Variants in ANO1 observed in about 807,000 individuals in gnomAD.
The protein encoded by ANO1 is anoctamin 1, also known as anoctamin-1.
A neutral mutation model predicts 124.0 loss-of-function variants in ANO1; 59 were observed. That is an observed-to-expected ratio of 0.48 (90% CI 0.39 to 0.59). The LOEUF (loss-of-function observed/expected upper bound fraction) is 0.59, where lower values mean the gene tolerates loss of function less well. Ranked by LOEUF, ANO1 falls within the 20% of genes least tolerant of loss-of-function variation. ANO1 has a pLI of 0.00. For missense variants in ANO1, 1,059 were observed against 1,328.0 expected, an observed-to-expected ratio of 0.80 and a Z score of 3.15; for synonymous variants, 529 against 532.0, an observed-to-expected ratio of 0.99 and a Z score of 0.08.
intron 6 of ANO1, among the ~76,000 whole-genome samples, chr11:70,110,167 G>A (rs2045713651): frequency 6.6e-6 from 1 of 151,498 alleles, no homozygotes; most frequent in South Asian, 2.1e-4. Context: ...GCCTGGCTGA[G>A]GGCCTATGTT....
intron 1 of ANO1, among the ~76,000 whole-genome samples, chr11:70,071,273 A>T (rs1201630196): frequency 6.6e-6 from 1 of 152,234 alleles, no homozygotes; most frequent in Non-Finnish European, 1.5e-5. Flanking sequence ...TTTTCCTTAA[A>T]TAGTAAAAGG....
At chr11:70,131,389 G>C (rs1241471274) in intron 10 of ANO1, among the ~76,000 whole-genome samples, 1 of 152,174 alleles carries the variant, frequency 6.6e-6, no homozygotes, top group Non-Finnish European at 1.5e-5. Flanking sequence ...GTGCAGTGAC[G>C]TGATCTGGGC....
intron 1 of ANO1, among the ~76,000 whole-genome samples, chr11:70,019,279 A>G (rs1856759038): frequency 7.8e-6 from 1 of 128,116 alleles, no homozygotes; most frequent in East Asian, 2.8e-4. Context: ...TCCCCCGTCT[A>G]TGGACTCACA....
chr11:70,162,799 C>T (rs2048109062), intron 18 of ANO1, among the ~76,000 whole-genome samples: 1 of 152,236 alleles, frequency 6.6e-6, no homozygotes, highest in Non-Finnish European at 1.5e-5. Flanking sequence ...CCTACACGCC[C>T]CACACCAGCC....
At chr11:69,967,254 C>T in the ANO1 span, among the ~76,000 whole-genome samples, 5 of 148,880 alleles carry the variant, frequency 3.4e-5, no homozygotes, top group East Asian at 4.0e-4. Context: ...CATCAGGTTC[C>T]GAGCGCCTGT....
intron 25 of ANO1, among the ~76,000 whole-genome samples, chr11:70,186,454 T>C (rs2049133341): frequency 6.6e-6 from 1 of 151,982 alleles, no homozygotes; most frequent in Non-Finnish European, 1.5e-5. Flanking sequence ...ACACCATGTC[T>C]GTGGTAGCAG....
intron 1 of ANO1, among the ~76,000 whole-genome samples, chr11:70,026,046 G>C: frequency 7.0e-6 from 1 of 142,374 alleles, no homozygotes; most frequent in Non-Finnish European, 1.5e-5. Context: ...GGTGATGATG[G>C]TGGTGGTGGT....
chr11:70,165,332 G>A, intron 19 of ANO1, 138 bp from the exon 20 acceptor site: 1 of 695,118 alleles, frequency 1.4e-6, no homozygotes, highest in Non-Finnish European at 2.5e-6. Flanking sequence ...ACGTTCCCAG[G>A]TGGCGGGGAT....
In ANO1 at chr11:70,103,951, T is replaced by C. The variant is rs1335231164; in HGVS notation, c.541-48T>C. The C allele has an allele frequency of 1.3e-6, 2 of 1,584,650 alleles. 1 individual carries two copies. Among genetic ancestry groups the C allele is most frequent in the South Asian group, 2.3e-5 (2 of 86,112 alleles). ...ATCCGAGAACAGATTCCACGGATCA[T>C]GGTCCAGCAGGGTGACGCAGCTCCC... On this transcript the variant is annotated intron_variant, in intron 3 of 25. Coordinates refer to ENST00000355303, the MANE Select transcript of ANO1 (RefSeq NM_018043.7).
intron 1 of ANO1, among the ~76,000 whole-genome samples, chr11:69,988,596 C>T (rs186529016): frequency 7.9e-5 from 12 of 152,320 alleles, no homozygotes; most frequent in Admixed American, 7.2e-4. Flanking sequence ...CTCATTCTCG[C>T]TCCCCTGCAA....
intron 11 of ANO1, 97 bp downstream of exon 11, chr11:70,132,176 A>G (rs1028561272): frequency 1.1e-4 from 157 of 1,425,316 alleles, no homozygotes; most frequent in Non-Finnish European, 1.4e-4. Context: ...ATCCTCAGGC[A>G]GGGGTTGTCG....
At chr11:70,025,604 GATA>G (rs782385509) in intron 1 of ANO1, among the ~76,000 whole-genome samples, 4 of 151,810 alleles carry the variant, frequency 2.6e-5, no homozygotes, top group Non-Finnish European at 4.4e-5. Flanking sequence ...TGATGATGAT[GATA>G]ATGATGGTGG....
At chr11:70,112,552 TC>T (rs776936688) in intron 7 of ANO1, among the ~76,000 whole-genome samples, 2 of 99,088 alleles carry the variant, frequency 2.0e-5, no homozygotes. Flanking sequence ...TCTTTTCTTT[TC>T]TTTTTTTTTT....
At chr11:70,104,295 G>T (rs767281060) in intron 4 of ANO1, 145 bp downstream of exon 4, 201 of 955,862 alleles carry the variant, frequency 2.1e-4, no homozygotes, top group Non-Finnish European at 2.6e-4. Context: ...GCCCAGAAGA[G>T]GCTGTGGAAA....
At chr11:70,067,732 C>T (rs182325677) in intron 1 of ANO1, among the ~76,000 whole-genome samples, 1 of 152,312 alleles carries the variant, frequency 6.6e-6, no homozygotes, top group Admixed American at 6.5e-5. Context: ...CCTTCCCAGC[C>T]TTCCCGTCCC....
At chr11:70,011,819 T>C (rs1555001157) in intron 1 of ANO1, among the ~76,000 whole-genome samples, 1 of 152,236 alleles carries the variant, frequency 6.6e-6, no homozygotes, top group Non-Finnish European at 1.5e-5. Context: ...ATGGCTGTAA[T>C]AGCAAAGTCG....
chr11:69,969,565 G>A, the ANO1 span, among the ~76,000 whole-genome samples: 3 of 152,272 alleles, frequency 2.0e-5, no homozygotes, highest in South Asian at 4.1e-4. Flanking sequence ...AGCTCTCCTG[G>A]GAAAGTGCAT....
chr11:70,143,178 C>A (rs1190333429), intron 11 of ANO1, among the ~76,000 whole-genome samples: 8 of 152,160 alleles, frequency 5.3e-5, no homozygotes, highest in African/African-American at 1.9e-4. Flanking sequence ...GACGCGACCC[C>A]TGCCCGTGAG....
At chr11:70,105,920 T>C (rs1431943549) in intron 5 of ANO1, 132 bp downstream of exon 5, 1 of 1,010,522 alleles carries the variant, frequency 9.9e-7, no homozygotes, top group Non-Finnish European at 1.5e-6. Context: ...ATAATTAGAA[T>C]AATGAAAGGG....
Sources: allele counts gnomAD v4.1 joint callset (sites outside exome capture counted in the v4.1 genomes callset), GRCh38; gene constraint gnomAD v4.1.1; transcripts MANE v1.5; gene names NCBI Gene and HGNC (gene_info 2026-07-23, HGNC 2026-07-21).